Variants in SHISA9 observed in about 807,000 individuals in gnomAD.
SHISA9 encodes protein shisa-9.
Under a neutral mutation model 38.0 loss-of-function variants are expected in SHISA9, and 13 were observed. The ratio of observed to expected loss-of-function variants is 0.34; its 90% confidence interval spans 0.22 to 0.54. The LOEUF is 0.54. SHISA9 is among the 20% of genes least tolerant of loss of function. The pLI, the probability that SHISA9 is intolerant of heterozygous loss-of-function variation, is 0.91. For missense variants in SHISA9, 538 were observed against 575.8 expected (o/e 0.93, Z 0.67); for synonymous variants, 275 against 242.0 (o/e 1.14, Z -1.27).
At chr16:13,510,413 C>G in the SHISA9 span, among the ~76,000 whole-genome samples, 1 of 152,212 alleles carries the variant, frequency 6.6e-6, no homozygotes. Flanking sequence ...CCACATCTGT[C>G]TAATCCCAAA....
chr16:13,524,803 G>T, the SHISA9 span, among the ~76,000 whole-genome samples: 1 of 151,768 alleles, frequency 6.6e-6, no homozygotes, highest in South Asian at 2.1e-4. Context: ...CTAGCCTCAA[G>T]CAATTCTCCT....
chr16:13,196,265 C>T (rs1422660281), intron 2 of SHISA9, among the ~76,000 whole-genome samples: 6 of 144,582 alleles, frequency 4.1e-5, no homozygotes, highest in East Asian at 4.2e-4. Context: ...GGCGAGGTGG[C>T]GCGTGCCTGT....
intron 2 of SHISA9, among the ~76,000 whole-genome samples, chr16:13,082,982 C>T (rs2073670057): frequency 6.6e-6 from 1 of 152,158 alleles, no homozygotes; most frequent in South Asian, 2.1e-4. Flanking sequence ...TGGCTGTCTT[C>T]TCCAGGTTTG....
intron 2 of SHISA9, among the ~76,000 whole-genome samples, chr16:12,938,279 G>T (rs7499101): frequency 3.3e-5 from 5 of 152,114 alleles, no homozygotes; most frequent in Admixed American, 2.6e-4. Context: ...ACCATAGTGG[G>T]GCTATCAATG....
chr16:12,964,418 T>C (rs2071952165), intron 2 of SHISA9, among the ~76,000 whole-genome samples: 1 of 151,500 alleles, frequency 6.6e-6, no homozygotes, highest in Non-Finnish European at 1.5e-5. Context: ...TCAAACTGAC[T>C]TAAATAATAG....
the SHISA9 span, among the ~76,000 whole-genome samples, chr16:13,281,529 T>C: frequency 2.6e-5 from 4 of 151,316 alleles, no homozygotes; most frequent in African/African-American, 4.8e-5. Flanking sequence ...TTCTGGTTTT[T>C]TTCCATTTTC....
the SHISA9 span, among the ~76,000 whole-genome samples, chr16:13,427,769 C>A: frequency 3.3e-5 from 5 of 152,238 alleles, no homozygotes; most frequent in East Asian, 9.6e-4. Flanking sequence ...ATTCTCCTAG[C>A]TGTAAGGAGA....
At chr16:13,145,558 T>C (rs888155375) in intron 2 of SHISA9, among the ~76,000 whole-genome samples, 1 of 152,120 alleles carries the variant, frequency 6.6e-6, no homozygotes, top group Non-Finnish European at 1.5e-5. Context: ...AAGGTAGTTG[T>C]GTGGCTGCGT....
chr16:13,516,418 G>A, the SHISA9 span, among the ~76,000 whole-genome samples: 1 of 152,212 alleles, frequency 6.6e-6, no homozygotes, highest in African/African-American at 2.4e-5. Context: ...AAAGAAGTTG[G>A]AGATTCAGGT....
chr16:13,307,883 A>C, the SHISA9 span, among the ~76,000 whole-genome samples: 3 of 152,200 alleles, frequency 2.0e-5, no homozygotes, highest in Admixed American at 6.5e-5. Context: ...GTTCATTTCC[A>C]TGATTAGGTG....
chr16:13,326,535 A>G, the SHISA9 span, among the ~76,000 whole-genome samples: 4 of 152,190 alleles, frequency 2.6e-5, no homozygotes, highest in Non-Finnish European at 5.9e-5. Context: ...AGCCTGGCCA[A>G]CATGGTGAAA....
chr16:12,958,765 A>G (rs1306614155), intron 2 of SHISA9, among the ~76,000 whole-genome samples: 1 of 152,224 alleles, frequency 6.6e-6, no homozygotes, highest in Non-Finnish European at 1.5e-5. Context: ...AAGAGGTTAG[A>G]AGACTTTCCT....
chr16:13,216,311 C>T (rs377027), intron 4 of SHISA9, among the ~76,000 whole-genome samples: 1 of 151,960 alleles, frequency 6.6e-6, no homozygotes, highest in Admixed American at 6.6e-5. Flanking sequence ...CTCTGATCCC[C>T]TATTTTCTGA....
chr16:13,306,351 C>T, the SHISA9 span, among the ~76,000 whole-genome samples: 2 of 152,132 alleles, frequency 1.3e-5, no homozygotes, highest in Non-Finnish European at 2.9e-5. Flanking sequence ...AGGAAGAAGA[C>T]TGCAAAGAGC....
chr16:13,018,456 C>T (rs1262285779), intron 2 of SHISA9, among the ~76,000 whole-genome samples: 1 of 150,200 alleles, frequency 6.7e-6, no homozygotes, highest in Non-Finnish European at 1.5e-5. Flanking sequence ...TAGCATTTGC[C>T]CAGCACCCAA....
At chr16:12,922,972 C>T (rs2071346551) in intron 2 of SHISA9, among the ~76,000 whole-genome samples, 1 of 151,958 alleles carries the variant, frequency 6.6e-6, no homozygotes, top group Non-Finnish European at 1.5e-5. Context: ...TGGGCTGACT[C>T]ATGGCAGCAG....
chr16:13,551,124 GAAAA>G, the SHISA9 span, among the ~76,000 whole-genome samples: 1 of 133,992 alleles, frequency 7.5e-6, no homozygotes. Context: ...ACTCCATCTC[GAAAA>G]AAAAAAAAAG....
the SHISA9 span, among the ~76,000 whole-genome samples, chr16:13,403,255 T>C: frequency 2.6e-4 from 39 of 152,380 alleles, no homozygotes; most frequent in East Asian, 7.1e-3. Context: ...GCCTGCCCTA[T>C]GTCTATTTCC....
At chr16:13,362,169 GC>G in the SHISA9 span, among the ~76,000 whole-genome samples, 1 of 145,644 alleles carries the variant, frequency 6.9e-6, no homozygotes, top group Admixed American at 7.0e-5. Context: ...TTTAAGATCA[GC>G]CTGGGCAACA....
Sources: gnomAD v4.1 joint callset for allele counts (sites outside exome capture counted in the v4.1 genomes callset) on GRCh38, gnomAD v4.1.1 for gene constraint, MANE v1.5 for transcripts, NCBI Gene and HGNC (gene_info 2026-07-23, HGNC 2026-07-21) for gene names.